Variants in SPMAP2L observed in about 807,000 individuals in gnomAD.
SPMAP2L encodes sperm microtubule associated protein 2 like.
the SPMAP2L span, among the ~76,000 whole-genome samples, chr4:56,586,383 T>C: frequency 2.8e-4 from 42 of 152,314 alleles, 1 homozygote; most frequent in South Asian, 8.5e-3. Context: ...GAGAGAAAGA[T>C]CTCTGGTCTC....
the SPMAP2L span, among the ~76,000 whole-genome samples, chr4:56,554,165 C>T: frequency 1.1e-4 from 17 of 152,148 alleles, no homozygotes; most frequent in Non-Finnish European, 2.1e-4. Flanking sequence ...TAAACATTCA[C>T]GTGCAGGTTT....
At chr4:56,538,963 TA>T in the SPMAP2L span, among the ~76,000 whole-genome samples, 1 of 152,198 alleles carries the variant, frequency 6.6e-6, no homozygotes, top group African/African-American at 2.4e-5. Flanking sequence ...AAAAGTGGTG[TA>T]AACATTGGGC....
At chr4:56,589,267 G>C in the SPMAP2L span, among the ~76,000 whole-genome samples, 1 of 152,162 alleles carries the variant, frequency 6.6e-6, no homozygotes, top group Admixed American at 6.5e-5. Context: ...GGGATTACAG[G>C]TGTGAGCCAC....
the SPMAP2L span, among the ~76,000 whole-genome samples, chr4:56,564,527 G>A: frequency 2.0e-5 from 3 of 152,242 alleles, no homozygotes; most frequent in Middle Eastern, 3.4e-3. Flanking sequence ...AACCTCCTGT[G>A]ATGATCCCCT....
the SPMAP2L span, among the ~76,000 whole-genome samples, chr4:56,544,631 T>G: frequency 6.6e-6 from 1 of 152,116 alleles, no homozygotes; most frequent in Non-Finnish European, 1.5e-5. Context: ...TTTTTTTAAA[T>G]TTCAACTTGT....
At chr4:56,548,882 G>A in the SPMAP2L span, 1 of 1,219,648 alleles carries the variant, frequency 8.2e-7, no homozygotes, top group East Asian at 3.0e-5. Context: ...AGCCAATCTG[G>A]ATGGGGCAGA....
At chr4:56,539,469 T>G in the SPMAP2L span, among the ~76,000 whole-genome samples, 1 of 152,214 alleles carries the variant, frequency 6.6e-6, no homozygotes, top group African/African-American at 2.4e-5. Flanking sequence ...TTGCCAAGGC[T>G]GGAGTGCAAT....
chr4:56,543,917 T>G, the SPMAP2L span, among the ~76,000 whole-genome samples: 6 of 130,636 alleles, frequency 4.6e-5, no homozygotes, highest in Non-Finnish European at 9.9e-5. Flanking sequence ...TGTGTGTGTG[T>G]GTGTGTGTAT....
the SPMAP2L span, chr4:56,530,896 G>C: frequency 6.5e-7 from 1 of 1,535,156 alleles, no homozygotes. Flanking sequence ...AGACGAGTCC[G>C]AGGAATGTGA....
chr4:56,575,797 A>G, the SPMAP2L span, among the ~76,000 whole-genome samples: 2 of 152,214 alleles, frequency 1.3e-5, no homozygotes, highest in South Asian at 2.1e-4. Flanking sequence ...CAGCTATTGT[A>G]GGTAATCAGA....
the SPMAP2L span, chr4:56,596,472 T>C: frequency 6.7e-7 from 1 of 1,489,810 alleles, no homozygotes; most frequent in Non-Finnish European, 8.9e-7. Context: ...TTGATGCTTA[T>C]AAGTACTGTT....
the SPMAP2L span, among the ~76,000 whole-genome samples, chr4:56,570,505 T>C: frequency 6.6e-6 from 1 of 152,184 alleles, no homozygotes; most frequent in Non-Finnish European, 1.5e-5. Flanking sequence ...GGTAAGTATT[T>C]GTGTATCTAA....
the SPMAP2L span, chr4:56,593,935 G>A: frequency 1.2e-6 from 2 of 1,608,124 alleles, no homozygotes; most frequent in Non-Finnish European, 1.7e-6. Context: ...AGCGAGCAGG[G>A]CATCAACTCC....
chr4:56,609,046 C>T, the SPMAP2L span, among the ~76,000 whole-genome samples: 292 of 135,640 alleles, frequency 2.2e-3, 1 homozygote, highest in African/African-American at 7.8e-3. Flanking sequence ...TTCTTTCTTT[C>T]TTTCTTTTTT....
At chr4:56,612,750 A>G in the SPMAP2L span, among the ~76,000 whole-genome samples, 1 of 151,552 alleles carries the variant, frequency 6.6e-6, no homozygotes, top group Non-Finnish European at 1.5e-5. Context: ...TATTTTTAGT[A>G]GAGATGGGGT....
chr4:56,593,188 C>T, the SPMAP2L span: 19 of 1,503,806 alleles, frequency 1.3e-5, no homozygotes, highest in Non-Finnish European at 1.8e-5. Context: ...AGAGTTTACT[C>T]AACTACCAGA....
the SPMAP2L span, among the ~76,000 whole-genome samples, chr4:56,573,106 C>T: frequency 2.6e-5 from 4 of 151,532 alleles, no homozygotes; most frequent in South Asian, 2.1e-4. Flanking sequence ...AGGAGAAGCA[C>T]GTAAGGGCAG....
chr4:56,546,309 G>A, the SPMAP2L span, among the ~76,000 whole-genome samples: 1 of 152,168 alleles, frequency 6.6e-6, no homozygotes, highest in East Asian at 1.9e-4. Context: ...TAGATCAGAA[G>A]TTAGAGCCAA....
the SPMAP2L span, chr4:56,596,695 G>A: frequency 7.0e-7 from 1 of 1,423,888 alleles, no homozygotes; most frequent in Non-Finnish European, 9.1e-7. Context: ...ATGCTATTTT[G>A]CCTCTACAGG....
Sources: allele counts gnomAD v4.1 joint callset (sites outside exome capture counted in the v4.1 genomes callset), GRCh38; gene constraint gnomAD v4.1.1; transcripts MANE v1.5; gene names NCBI Gene and HGNC (gene_info 2026-07-23, HGNC 2026-07-21).